Variants in HYDIN observed in about 807,000 individuals in gnomAD.
HYDIN encodes HYDIN axonemal central pair apparatus protein, also known as axonemal central pair apparatus protein HYDIN.
Under a neutral mutation model 403.9 loss-of-function variants are expected in HYDIN, and 132 were observed. The observed-to-expected ratio is 0.33, with a 90% CI of 0.28 to 0.38. HYDIN has a LOEUF of 0.38. HYDIN is among the 10% of genes least tolerant of loss of function. The pLI is 1.00. For missense variants in HYDIN, 2,827 were observed against 5,009.5 expected, an observed-to-expected ratio of 0.56 and a Z score of 13.15; for synonymous variants, 1,202 against 1,891.7, an observed-to-expected ratio of 0.64 and a Z score of 9.46.
chr16:70,909,688 C>CTTT (rs74464612), intron 47 of HYDIN, among the ~76,000 whole-genome samples: 2 of 64,774 alleles, frequency 3.1e-5, no homozygotes, highest in African/African-American at 5.6e-5. Context: ...TCAGGCATGT[C>CTTT]TTTTTTTTTT....
intron 1 of HYDIN, among the ~76,000 whole-genome samples, chr16:71,220,898 CT>C (rs2089167409): frequency 6.6e-6 from 1 of 152,144 alleles, no homozygotes; most frequent in Non-Finnish European, 1.5e-5. Flanking sequence ...AAAATGCTGG[CT>C]AAAATATTTT....
chr16:71,027,197 A>T (rs2080737522), intron 20 of HYDIN: 3 of 1,087,894 alleles, frequency 2.8e-6, no homozygotes, highest in South Asian at 2.7e-5. Context: ...AGAAAGGAAC[A>T]GGGATGTCCC....
intron 6 of HYDIN, among the ~76,000 whole-genome samples, chr16:71,161,675 A>T (rs949962537): frequency 5.3e-5 from 8 of 151,960 alleles, no homozygotes; most frequent in African/African-American, 1.2e-4. Context: ...CACTGGGCTC[A>T]TCCAGTGAAT....
rs1312505942 is a variant in HYDIN, at chr16:71,154,897, G to A, written c.717-2114C>T. On this transcript the variant is annotated intron_variant, in intron 6 of 85. Coordinates refer to ENST00000393567, the MANE Select transcript of HYDIN (RefSeq NM_001270974.2). ...GGTAATGATAGCACCTACTTCATACGGTTATAGTGAGGATTAAAGGGGTTG... is the reference window on the plus strand; with the variant it reads ...GGTAATGATAGCACCTACTTCATACAGTTATAGTGAGGATTAAAGGGGTTG... 4.0e-5 allele frequency among the ~76,000 whole-genome samples: 4 copies of A among 100,606 alleles called. 2 individuals are homozygous for A. Among genetic ancestry groups the A allele is most frequent in the Non-Finnish European group, 7.3e-5 (4 of 54,838 alleles). 66.0% of individuals were successfully genotyped at this position (100,606 alleles called of 152,430 possible). A position where few individuals can be genotyped will look rare whatever the true frequency, so the allele number is the denominator to read the frequency against.
intron 18 of HYDIN, among the ~76,000 whole-genome samples, chr16:71,041,112 TA>T (rs1471540227): frequency 4.1e-5 from 6 of 147,804 alleles, no homozygotes; most frequent in African/African-American, 1.5e-4. Context: ...AAGTAGTATT[TA>T]TTTGTTGGTC....
chr16:71,116,544 C>T (rs1372133049), intron 9 of HYDIN, among the ~76,000 whole-genome samples: 1 of 151,776 alleles, frequency 6.6e-6, no homozygotes, highest in African/African-American at 2.4e-5. Context: ...GGGGATATAC[C>T]CAGATGAGGG....
intron 5 of HYDIN, among the ~76,000 whole-genome samples, chr16:71,169,328 G>A (rs1032944498): frequency 2.0e-5 from 3 of 152,146 alleles, no homozygotes; most frequent in African/African-American, 4.8e-5. Flanking sequence ...AGCTACTAGG[G>A]AGGCTGAGGT....
rs117077730 is a variant in HYDIN at position 71,205,420 on chromosome 16, G to C, written c.-23-18502C>G. 2.8e-3 allele frequency among the ~76,000 whole-genome samples: 433 copies of C among 152,324 alleles called. 1 individual carries two copies. The highest frequency in any genetic ancestry group is 5.2e-3 in the Non-Finnish European group (353 of 68,034). Reference sequence around the variant, plus strand: ...CGCCTGTGCAAGACTGGGAATGAGAGAATCATCCTGTCCCCCTGAAACCCA... The same window carrying C: ...CGCCTGTGCAAGACTGGGAATGAGACAATCATCCTGTCCCCCTGAAACCCA... On this transcript the variant is annotated intron_variant, in intron 1 of 85. Coordinates refer to ENST00000393567, the MANE Select transcript of HYDIN (RefSeq NM_001270974.2).
chr16:71,172,740 T>C (rs1460444120), intron 5 of HYDIN, among the ~76,000 whole-genome samples: 1 of 152,208 alleles, frequency 6.6e-6, no homozygotes, highest in Non-Finnish European at 1.5e-5. Context: ...AACTGTGGCA[T>C]GCTGCAATTT....
At chr16:71,181,523 G>A (rs1225165856) in intron 3 of HYDIN, among the ~76,000 whole-genome samples, 6 of 151,980 alleles carry the variant, frequency 3.9e-5, no homozygotes, top group Admixed American at 3.9e-4. Context: ...TCTTAGGTTA[G>A]TTTTCTTGAT....
In HYDIN at chr16:70,905,728, C is replaced by T. The variant is rs1221625933; in HGVS notation, c.8516+1644G>A. Among the ~76,000 whole-genome samples the T allele has an allele frequency of 2.0e-5, 3 of 151,878 alleles. 1 individual carries two copies. The highest frequency in any genetic ancestry group is 4.4e-5 in the Non-Finnish European group (3 of 68,000). ...TATTTTGGATTACCATAGTCACTGT[C>T]CTTCCCACATCAGTGTCATCTCGCC... On this transcript the variant is annotated intron_variant, in intron 50 of 85. Transcript: ENST00000393567.
chr16:71,210,922 A>G (rs2088554639), intron 1 of HYDIN, among the ~76,000 whole-genome samples: 1 of 152,130 alleles, frequency 6.6e-6, no homozygotes, highest in Admixed American at 6.5e-5. Context: ...AGCAAATAAT[A>G]TGTTGTCAGT....
intron 23 of HYDIN, among the ~76,000 whole-genome samples, chr16:70,995,291 C>T (rs1361395934): frequency 2.0e-5 from 3 of 152,132 alleles, no homozygotes; most frequent in South Asian, 4.1e-4. Flanking sequence ...GGAGTAGATT[C>T]AGTTATTTTT....
At chr16:70,820,197 T>C (rs1289349533) in intron 83 of HYDIN, among the ~76,000 whole-genome samples, 288 of 129,542 alleles carry the variant, frequency 2.2e-3, no homozygotes, top group Admixed American at 6.7e-3. Flanking sequence ...CTTTTTTTTT[T>C]TTTTTTTTTT....
chr16:71,106,182 T>C (rs1180467538), intron 10 of HYDIN, among the ~76,000 whole-genome samples: 1 of 151,186 alleles, frequency 6.6e-6, no homozygotes, highest in African/African-American at 2.4e-5. Flanking sequence ...TCTCTCTCTC[T>C]CTCTCTCAAT....
chr16:71,185,077 T>C (rs2087081036), intron 2 of HYDIN, 87 bp from the exon 3 acceptor site: 1 of 875,546 alleles, frequency 1.1e-6, no homozygotes, highest in Non-Finnish European at 1.6e-6. Context: ...GAATAATTTG[T>C]GTTTGCAGCT....
At chr16:70,932,081 G>C (rs1006598148) in intron 45 of HYDIN, among the ~76,000 whole-genome samples, 1 of 143,540 alleles carries the variant, frequency 7.0e-6, no homozygotes, top group African/African-American at 2.5e-5. Context: ...TTGGCCAGGC[G>C]CAGTGGCTCA....
rs2035031090 is a variant in HYDIN, at chr16:70,804,677, A to G, written c.*2903T>C. The stretch of plus-strand genomic sequence containing the variant: ...TGTTATCTCCAGAGCATTGAGGGGA[A>G]CTATGATCTTTAGCAGGGTCTACGT... On this transcript the variant is annotated 3_prime_UTR_variant, in exon 86 of 86. Transcript: ENST00000393567. 6.6e-6 allele frequency among the ~76,000 whole-genome samples: 1 copy of G among 152,230 alleles called. No homozygotes were observed. Among genetic ancestry groups the G allele is most frequent in the Admixed American group, 6.5e-5 (1 of 15,290 alleles).
intron 4 of HYDIN, 127 bp from the exon 5 acceptor site, chr16:71,175,868 T>A (rs756359848): frequency 1.2e-6 from 1 of 858,798 alleles, no homozygotes; most frequent in Non-Finnish European, 1.9e-6. Flanking sequence ...TCTTCTCAAC[T>A]ATAAAAGGAG....
Sources: allele counts gnomAD v4.1 joint callset (sites outside exome capture counted in the v4.1 genomes callset), GRCh38; gene constraint gnomAD v4.1.1; transcripts MANE v1.5; gene names NCBI Gene and HGNC (gene_info 2026-07-23, HGNC 2026-07-21).